ELOVL7: variants seen among roughly 807,000 people sequenced by gnomAD.
ELOVL7 encodes the protein very long chain fatty acid elongase 7.
A neutral mutation model predicts 35.7 loss-of-function variants in ELOVL7; 27 were observed. The observed-to-expected ratio is 0.76, with a 90% confidence interval of 0.56 to 1.04. The LOEUF is 1.04. Ranked by LOEUF, ELOVL7 falls within the 50% of genes least tolerant of loss-of-function variation. The pLI is 0.00. For missense variants in ELOVL7, 327 were observed against 340.8 expected (o/e 0.96, Z 0.32); for synonymous variants, 113 against 114.6 (o/e 0.99, Z 0.09).
At chr5:60,797,464 T>G (rs1744332147) in intron 2 of ELOVL7, among the ~76,000 whole-genome samples, 1 of 152,218 alleles carries the variant, frequency 6.6e-6, no homozygotes, top group Admixed American at 6.5e-5. Context: ...TACAAAAGCT[T>G]AGGCACTTAG....
At chr5:60,773,897 C>T (rs574815606) in intron 3 of ELOVL7, among the ~76,000 whole-genome samples, 21 of 152,330 alleles carry the variant, frequency 1.4e-4, no homozygotes, top group East Asian at 3.9e-4. Context: ...TGAATTGCCA[C>T]GATGGGAATG....
intron 2 of ELOVL7, among the ~76,000 whole-genome samples, chr5:60,789,018 G>A (rs1356662689): frequency 6.6e-6 from 1 of 151,990 alleles, no homozygotes; most frequent in Non-Finnish European, 1.5e-5. Context: ...CAATCCAAGT[G>A]TTATAATATA....
At chr5:60,772,239 A>T (rs558622490) in intron 3 of ELOVL7, 146 bp from the exon 4 acceptor site, 1 of 584,408 alleles carries the variant, frequency 1.7e-6, no homozygotes, top group East Asian at 2.8e-5. Flanking sequence ...AGAAAGGTGA[A>T]AAAGAAATCA....
chr5:60,837,931 T>C (rs1466692479), intron 1 of ELOVL7, among the ~76,000 whole-genome samples: 1 of 152,038 alleles, frequency 6.6e-6, no homozygotes, highest in Non-Finnish European at 1.5e-5. Context: ...AGCAAAACTC[T>C]GTCTCAAAAA....
chr5:60,773,497 T>C (rs529650297), intron 3 of ELOVL7, among the ~76,000 whole-genome samples: 107 of 152,292 alleles, frequency 7.0e-4, no homozygotes, highest in Non-Finnish European at 1.1e-3. Context: ...CAGATGTGCA[T>C]GGGTGATTAT....
intron 1 of ELOVL7, among the ~76,000 whole-genome samples, chr5:60,828,235 T>C (rs749217709): frequency 6.6e-6 from 1 of 152,188 alleles, no homozygotes; most frequent in Non-Finnish European, 1.5e-5. Context: ...TTCAGCCAAG[T>C]ACACTTTTTT....
chr5:60,839,953 C>T (rs948430245), intron 1 of ELOVL7, among the ~76,000 whole-genome samples: 3 of 151,854 alleles, frequency 2.0e-5, no homozygotes, highest in African/African-American at 7.3e-5. Flanking sequence ...AAAGCCATGA[C>T]TGTGCCACTG....
At chr5:60,794,401 T>G (rs1465876037) in intron 2 of ELOVL7, among the ~76,000 whole-genome samples, 1 of 152,224 alleles carries the variant, frequency 6.6e-6, no homozygotes, top group African/African-American at 2.4e-5. Context: ...GGGCACCTGG[T>G]CACTTTGTCC....
intron 1 of ELOVL7, among the ~76,000 whole-genome samples, chr5:60,805,365 A>T (rs982619660): frequency 2.6e-5 from 4 of 152,214 alleles, no homozygotes; most frequent in Non-Finnish European, 5.9e-5. Flanking sequence ...AGGGCTAAGG[A>T]TGGAAACAAT....
intron 6 of ELOVL7, among the ~76,000 whole-genome samples, chr5:60,765,202 C>T (rs760392967): frequency 2.0e-5 from 3 of 152,094 alleles, no homozygotes; most frequent in African/African-American, 4.8e-5. Context: ...GTGCAAAATG[C>T]GTTTGCTTAC....
chr5:60,793,608 C>T (rs1253546422), intron 2 of ELOVL7, among the ~76,000 whole-genome samples: 2 of 152,122 alleles, frequency 1.3e-5, no homozygotes, highest in African/African-American at 4.8e-5. Context: ...TATCCTGCTG[C>T]TAAGGGGATG....
chr5:60,828,191 C>A (rs1333114140), intron 1 of ELOVL7, among the ~76,000 whole-genome samples: 1 of 152,124 alleles, frequency 6.6e-6, no homozygotes. Context: ...TTTGACCCCT[C>A]ACCCTCACCT....
At position 60,762,275 on chromosome 5, in the gene ELOVL7, G is replaced by A. The variant is rs530381868; in HGVS notation, c.499+1952C>T. ...GATCACACCACTGCACTCCACCCTG[G>A]ACAACAAGAGTGAAACTCTGCCTCA... On this transcript the variant is annotated intron_variant, in intron 7 of 8. Coordinates refer to ENST00000508821, the MANE Select transcript of ELOVL7 (RefSeq NM_024930.3). Among the ~76,000 whole-genome samples the A allele has an allele frequency of 3.2e-5, 4 of 123,362 alleles. No individual in the cohort carries two copies. In the East Asian group the frequency reaches 6.9e-4, roughly 21 times the overall value. The allele number at this position is 123,362 out of a possible 152,430, so 80.9% of individuals were successfully genotyped here. A position where few individuals can be genotyped will look rare whatever the true frequency, so the allele number is the denominator to read the frequency against.
chr5:60,832,866 T>C (rs1174485733), intron 1 of ELOVL7, among the ~76,000 whole-genome samples: 1 of 152,188 alleles, frequency 6.6e-6, no homozygotes, highest in African/African-American at 2.4e-5. Context: ...TTGGGCTAGG[T>C]AATTTAGTCA....
At chr5:60,806,758 A>G (rs1744949372) in intron 1 of ELOVL7, among the ~76,000 whole-genome samples, 1 of 152,062 alleles carries the variant, frequency 6.6e-6, no homozygotes, top group African/African-American at 2.4e-5. Flanking sequence ...CTTTATGTTC[A>G]CAGGGAGGCA....
intron 3 of ELOVL7, chr5:60,785,756 G>C (rs775868136): frequency 5.3e-5 from 8 of 152,142 alleles, no homozygotes; most frequent in Admixed American, 2.0e-4. Flanking sequence ...AAAAAGTTAA[G>C]AAAAGATAGG....
chr5:60,777,124 T>G (rs1742955393), intron 3 of ELOVL7, among the ~76,000 whole-genome samples: 8 of 147,550 alleles, frequency 5.4e-5, no homozygotes, highest in South Asian at 2.2e-4. Flanking sequence ...GGGGGGGAGG[T>G]GGGAATAGCT....
intron 1 of ELOVL7, among the ~76,000 whole-genome samples, chr5:60,836,802 T>C (rs566146806): frequency 1.3e-5 from 2 of 152,080 alleles, no homozygotes; most frequent in East Asian, 1.9e-4. Context: ...GGGCTGCTAG[T>C]GAAACTCTCT....
rs758928464 is a variant in ELOVL7, at chr5:60,757,629, G to C, written c.516C>G (p.Phe172Leu). The stretch of plus-strand genomic sequence containing the variant: ...GTACAGCTGTATTTAGAAGGGCATG[G>C]AATGTTCCCAAACCACCTGGAAAAT... ...VKFAAGGLGTFHALLNTAVHV... is the reference protein window; with the variant it reads ...VKFAAGGLGTLHALLNTAVHV... The change falls in exon 8 of 9, where the codon TTC becomes TTG. Residue 172 changes from phenylalanine to leucine, a missense_variant. Phe to Leu is a conservative substitution (Grantham distance 22). Transcript: ENST00000508821. The C allele has an allele frequency of 1.3e-6, 2 of 1,579,614 alleles. No homozygotes were observed. Among genetic ancestry groups the C allele is most frequent in the South Asian group, 2.4e-5 (2 of 84,520 alleles).
Sources: gnomAD v4.1 joint callset for allele counts (sites outside exome capture counted in the v4.1 genomes callset) on GRCh38, gnomAD v4.1.1 for gene constraint, MANE v1.5 for transcripts, NCBI Gene and HGNC (gene_info 2026-07-23, HGNC 2026-07-21) for gene names.